The following SH3BGRL variants were observed in gnomAD, a reference collection of about 807,000 sequenced individuals.
The protein encoded by SH3BGRL is adapter SH3BGRL.
A neutral mutation model predicts 9.8 loss-of-function variants in SH3BGRL; 7 were observed. That is an observed-to-expected ratio of 0.72 (90% CI 0.41 to 1.35). SH3BGRL has a LOEUF of 1.35. Among genes scored for constraint, SH3BGRL ranks in the 40% most tolerant of loss-of-function variants. SH3BGRL has a pLI of 0.01. For missense variants in SH3BGRL, 73 were observed against 84.4 expected, an observed-to-expected ratio of 0.86 and a Z score of 0.53; for synonymous variants, 36 against 29.1, an observed-to-expected ratio of 1.24 and a Z score of -0.76.
At chrX:81,247,133 A>G (rs2075692184) in intron 1 of SH3BGRL, among the ~76,000 whole-genome samples, 1 of 112,007 alleles carries the variant, frequency 8.9e-6, no homozygotes, top group Non-Finnish European at 1.9e-5. Flanking sequence ...TTGTATAGAA[A>G]TGGTACTGAT....
intron 1 of SH3BGRL, among the ~76,000 whole-genome samples, chrX:81,251,889 A>G (rs1267524761): frequency 2.7e-5 from 3 of 112,204 alleles, no homozygotes; most frequent in African/African-American, 9.7e-5. Context: ...ATTGCTACAT[A>G]GCAGTAATCT....
intron 3 of SH3BGRL, among the ~76,000 whole-genome samples, chrX:81,280,022 G>A (rs899820515): frequency 1.3e-4 from 14 of 110,981 alleles, no homozygotes; most frequent in African/African-American, 3.3e-4. Context: ...CCAACCCTTC[G>A]GTTTACCTGG....
At chrX:81,297,138 A>G in intron 3 of SH3BGRL, 57 bp from the exon 4 acceptor site, 8 of 1,043,791 alleles carry the variant, frequency 7.7e-6, no homozygotes, top group Middle Eastern at 2.7e-4. Context: ...TAAAATACAC[A>G]TGGGTGTCTG....
At chrX:81,232,615 C>T (rs1470896729) in intron 1 of SH3BGRL, among the ~76,000 whole-genome samples, 1 of 111,038 alleles carries the variant, frequency 9.0e-6, no homozygotes, top group Non-Finnish European at 1.9e-5. Flanking sequence ...CTCTCTCTCT[C>T]TCACTCTTGC....
At chrX:81,215,467 G>T (rs774209208) in intron 1 of SH3BGRL, among the ~76,000 whole-genome samples, 6 of 111,024 alleles carry the variant, frequency 5.4e-5, no homozygotes, top group Non-Finnish European at 1.1e-4. Flanking sequence ...CCCAGGCTCC[G>T]AAGGACGAGA....
At chrX:81,264,537 T>C (rs1272202761) in intron 1 of SH3BGRL, among the ~76,000 whole-genome samples, 4 of 111,970 alleles carry the variant, frequency 3.6e-5, no homozygotes, top group African/African-American at 1.3e-4. Context: ...ATAGTAAGGC[T>C]TGGAAATTTC....
chrX:81,222,393 A>G (rs1274116677), intron 1 of SH3BGRL, among the ~76,000 whole-genome samples: 3 of 95,614 alleles, frequency 3.1e-5, no homozygotes, highest in Non-Finnish European at 6.1e-5. Context: ...TCATAGTTCA[A>G]TTCCCATCTA....
At chrX:81,264,755 A>G (rs2075751045) in intron 1 of SH3BGRL, among the ~76,000 whole-genome samples, 1 of 110,817 alleles carries the variant, frequency 9.0e-6, no homozygotes, top group Admixed American at 9.6e-5. Context: ...GGAATCAGTA[A>G]TGGTAGAGTT....
rs993219056 is a variant in SH3BGRL at position 81,237,135 on chromosome X, A to G, written c.45+34890A>G. 2.0e-5 allele frequency: 15 copies of G among 766,491 alleles called. No homozygotes were observed. The Admixed American group carries it at 4.0e-4, about 20-fold the overall frequency. 63.2% of individuals were successfully genotyped at this position (766,491 alleles called of 1,213,427 possible). ...TTTCCTAGGGAAGAGATGGATCAAG[A>G]TGGTGAAATAGAAGACTCCACCAAT... On this transcript the variant is annotated intron_variant, in intron 1 of 3. Coordinates refer to ENST00000373212, the MANE Select transcript of SH3BGRL (RefSeq NM_003022.3).
intron 3 of SH3BGRL, among the ~76,000 whole-genome samples, chrX:81,292,250 C>T (rs902567347): frequency 8.9e-6 from 1 of 111,964 alleles, no homozygotes; most frequent in Non-Finnish European, 1.9e-5. Context: ...AAATCTAGGC[C>T]GTGACTCCCA....
At chrX:81,229,052 A>G (rs186407304) in intron 1 of SH3BGRL, among the ~76,000 whole-genome samples, 11 of 112,057 alleles carry the variant, frequency 9.8e-5, no homozygotes, top group African/African-American at 3.6e-4. Flanking sequence ...TGATCCATTA[A>G]TGTCTCTGCT....
rs2075594500 is a variant in SH3BGRL, at chrX:81,219,739, GTTATA to G, written c.45+17498_45+17502del. 1.3e-4 allele frequency among the ~76,000 whole-genome samples: 15 copies of G among 111,130 alleles called. 2 individuals carry two copies. In the Admixed American group the frequency reaches 1.4e-3, roughly 11 times the overall value. On this transcript the variant is annotated intron_variant, in intron 1 of 3. Transcript: ENST00000373212. ...CCTTTCAGTTTTTTTCCCATTAAGTGTTATATTAGCTGTGATTCTCTCATATATGG... is the reference window on the plus strand; with the variant it reads ...CCTTTCAGTTTTTTTCCCATTAAGTGTTAGCTGTGATTCTCTCATATATGG...
intron 3 of SH3BGRL, among the ~76,000 whole-genome samples, chrX:81,289,970 A>G (rs1275354555): frequency 1.8e-5 from 2 of 112,454 alleles, no homozygotes; most frequent in Non-Finnish European, 3.8e-5. Context: ...AACAGATGTG[A>G]AAGTGTGCTA....
Position 81,298,383 on chromosome X carries a change from A to C in SH3BGRL, c.*1156A>C, listed in dbSNP as rs2075882733. The stretch of plus-strand genomic sequence containing the variant: ...GTAAGTTTCACACTACCTTATTACC[A>C]AAAGCAAACACCTCTTACTTTAAAC... On this transcript the variant is annotated 3_prime_UTR_variant, in exon 4 of 4. Coordinates refer to ENST00000373212, the MANE Select transcript of SH3BGRL (RefSeq NM_003022.3). 9.0e-6 allele frequency: 1 copy of C among 111,576 alleles called. No homozygotes were observed. Among genetic ancestry groups the C allele is most frequent in the Admixed American group, 9.5e-5 (1 of 10,479 alleles). The allele number at this position is 111,576 out of a possible 1,213,427, so 9.2% of individuals were successfully genotyped here. A position where few individuals can be genotyped will look rare whatever the true frequency, so the allele number is the denominator to read the frequency against.
intron 1 of SH3BGRL, among the ~76,000 whole-genome samples, chrX:81,220,808 A>G (rs1285304534): frequency 9.1e-6 from 1 of 110,004 alleles, no homozygotes; most frequent in East Asian, 2.9e-4. Flanking sequence ...AGGTTTTGGT[A>G]TATCATATTT....
At chrX:81,205,655 G>A (rs1423084824) in intron 1 of SH3BGRL, among the ~76,000 whole-genome samples, 1 of 108,781 alleles carries the variant, frequency 9.2e-6, no homozygotes, top group Non-Finnish European at 1.9e-5. Flanking sequence ...CCTTTCTTTT[G>A]GATATATACC....
intron 1 of SH3BGRL, among the ~76,000 whole-genome samples, chrX:81,246,654 T>G (rs1289293697): frequency 9.0e-6 from 1 of 111,299 alleles, no homozygotes; most frequent in African/African-American, 3.3e-5. Context: ...TATTTTTTTT[T>G]TATCTTAGTC....
chrX:81,214,551 C>T (rs1412547556), intron 1 of SH3BGRL, among the ~76,000 whole-genome samples: 1 of 111,439 alleles, frequency 9.0e-6, no homozygotes, highest in Non-Finnish European at 1.9e-5. Context: ...TTTAAACTAC[C>T]TCAGTGTCTA....
intron 1 of SH3BGRL, among the ~76,000 whole-genome samples, chrX:81,205,621 G>T (rs1256735190): frequency 9.3e-6 from 1 of 108,014 alleles, no homozygotes; most frequent in African/African-American, 3.4e-5. Flanking sequence ...TGGGAGTGCA[G>T]ATATTTCTTT....
Sources: allele counts gnomAD v4.1 joint callset (sites outside exome capture counted in the v4.1 genomes callset), GRCh38; gene constraint gnomAD v4.1.1; transcripts MANE v1.5; gene names NCBI Gene and HGNC (gene_info 2026-07-23, HGNC 2026-07-21).